The following SH3BP4 variants were observed in gnomAD, a reference collection of about 807,000 sequenced individuals.
SH3BP4 encodes the protein SH3 domain binding protein 4.
In SH3BP4, 33 loss-of-function variants were observed where a neutral mutation model predicts 65.5. That is an observed-to-expected ratio of 0.50 (90% CI 0.38 to 0.67). The LOEUF (loss-of-function observed/expected upper bound fraction) is 0.67, where lower values mean the gene tolerates loss of function less well. Ranked by LOEUF, SH3BP4 falls within the 30% of genes least tolerant of loss-of-function variation. The probability of loss-of-function intolerance (pLI) is 0.00; values close to 1 mark genes in which losing one functional copy is unlikely to be tolerated. For synonymous variants in SH3BP4, 552 were observed against 545.5 expected, an observed-to-expected ratio of 1.01 and a Z score of -0.17; for missense variants, 1,134 against 1,261.4, an observed-to-expected ratio of 0.90 and a Z score of 1.53.
chr2:235,051,928 C>A (rs1300097410), intron 4 of SH3BP4, among the ~76,000 whole-genome samples: 1 of 152,164 alleles, frequency 6.6e-6, no homozygotes, highest in Non-Finnish European at 1.5e-5. Flanking sequence ...TCCATATTCA[C>A]CCTGTCTGTT....
chr2:235,012,525 C>T (rs762624757), intron 2 of SH3BP4, among the ~76,000 whole-genome samples: 7 of 152,216 alleles, frequency 4.6e-5, no homozygotes, highest in Non-Finnish European at 7.3e-5. Context: ...TAACCAGCCG[C>T]ACCGCAAGGG....
rs1400952722 is a variant in SH3BP4, at chr2:234,974,181, C to A, written c.-206-21122C>A. ...AGGAGTTCGAGACCAGCCTGGCCAA[C>A]GTGGTGAAGCCCCATCTCTAATAAA... On this transcript the variant is annotated intron_variant, in intron 1 of 5. Transcript: ENST00000392011. The surrounding 1 kb of genome is among the most constrained non-coding windows in gnomAD (Gnocchi z 4.6). Among the ~76,000 whole-genome samples the A allele has an allele frequency of 6.6e-6, 1 of 152,024 alleles. No homozygotes were observed. Among genetic ancestry groups the A allele is most frequent in the Admixed American group, 6.6e-5 (1 of 15,264 alleles).
intron 2 of SH3BP4, among the ~76,000 whole-genome samples, chr2:235,005,482 C>G (rs970549981): frequency 5.9e-5 from 9 of 152,160 alleles, no homozygotes; most frequent in Non-Finnish European, 1.2e-4. Flanking sequence ...TGTAAATTGT[C>G]CCTTTCCTGT....
intron 1 of SH3BP4, among the ~76,000 whole-genome samples, chr2:234,993,201 C>G (rs373204963): frequency 6.6e-6 from 1 of 152,198 alleles, no homozygotes; most frequent in African/African-American, 2.4e-5. Flanking sequence ...TCGAAGCCCC[C>G]GTCAGAGCTG....
intron 2 of SH3BP4, among the ~76,000 whole-genome samples, chr2:235,017,104 G>A (rs1694709891): frequency 1.7e-5 from 2 of 114,472 alleles, no homozygotes; most frequent in South Asian, 2.9e-4. Context: ...AAAGAAAATT[G>A]AGACTATGCT....
intron 1 of SH3BP4, among the ~76,000 whole-genome samples, chr2:234,993,477 A>AG (rs1693816663): frequency 6.6e-6 from 1 of 152,204 alleles, no homozygotes; most frequent in South Asian, 2.1e-4. Flanking sequence ...AGGAAAGAAG[A>AG]GGCACTAGGT....
rs149285822 is a variant in SH3BP4 at position 235,020,575 on chromosome 2, G to A, written c.-132-14296G>A. On this transcript the variant is annotated intron_variant, in intron 2 of 5. Transcript: ENST00000392011. ...TGAAAATATAATCGGAAAAGGAGACGGCATTCATGGCGATGACAACATCCA... is the reference window on the plus strand; with the variant it reads ...TGAAAATATAATCGGAAAAGGAGACAGCATTCATGGCGATGACAACATCCA... Among the ~76,000 whole-genome samples the A allele has an allele frequency of 8.1e-4, 123 of 152,174 alleles. 1 individual carries two copies. The Middle Eastern group carries it at 0.01, about 13-fold the overall frequency.
intron 2 of SH3BP4, among the ~76,000 whole-genome samples, chr2:235,031,247 A>G (rs6431330): frequency 0.056 from 8,548 of 152,070 alleles, 713 homozygotes; most frequent in African/African-American, 0.19. Flanking sequence ...GGTTTCCTCT[A>G]TGGGGAGAGG....
chr2:235,007,179 A>T (rs1694322955), intron 2 of SH3BP4, among the ~76,000 whole-genome samples: 1 of 151,976 alleles, frequency 6.6e-6, no homozygotes, highest in Non-Finnish European at 1.5e-5. Flanking sequence ...TCCAGGTGAG[A>T]CAGGTGAGTC....
At chr2:235,023,530 C>G (rs1272315168) in intron 2 of SH3BP4, among the ~76,000 whole-genome samples, 8 of 151,888 alleles carry the variant, frequency 5.3e-5, no homozygotes, top group Non-Finnish European at 1.2e-4. Context: ...CTGGGTGACA[C>G]AGTGAGACTC....
At position 234,952,564 on chromosome 2, in the gene SH3BP4, G is replaced by A. The variant is rs2106235376; in HGVS notation, c.-207+394G>A. Among the ~76,000 whole-genome samples the A allele has an allele frequency of 6.6e-6, 1 of 151,964 alleles. No homozygotes were observed. On this transcript the variant is annotated intron_variant, in intron 1 of 5. Transcript: ENST00000392011. The surrounding 1 kb of genome is among the most constrained non-coding windows in gnomAD (Gnocchi z 6.5). ...GGACGCGTCCTCGGGCGCAAATCGGGGGGCGCGCTCGGCTCACGGGGGCCG... is the reference window on the plus strand; with the variant it reads ...GGACGCGTCCTCGGGCGCAAATCGGAGGGCGCGCTCGGCTCACGGGGGCCG...
intron 2 of SH3BP4, among the ~76,000 whole-genome samples, chr2:235,032,162 G>T (rs1440304355): frequency 6.6e-6 from 1 of 152,206 alleles, no homozygotes; most frequent in African/African-American, 2.4e-5. Flanking sequence ...CTCACCCGGC[G>T]CAGTCCTCGG....
At chr2:235,040,806 A>G in intron 3 of SH3BP4, 82 bp from the exon 4 acceptor site, 2 of 1,217,560 alleles carry the variant, frequency 1.6e-6, no homozygotes, top group South Asian at 1.3e-5. Flanking sequence ...TCTGTTTACC[A>G]CCGTCCTCTC....
At chr2:234,989,765 A>C (rs1693692973) in intron 1 of SH3BP4, among the ~76,000 whole-genome samples, 1 of 152,042 alleles carries the variant, frequency 6.6e-6, no homozygotes, top group Non-Finnish European at 1.5e-5. Context: ...TTTCCCCCCA[A>C]CTGTTTAAAA....
At chr2:234,979,155 A>T (rs1693270624) in intron 1 of SH3BP4, among the ~76,000 whole-genome samples, 1 of 152,150 alleles carries the variant, frequency 6.6e-6, no homozygotes, top group African/African-American at 2.4e-5. Flanking sequence ...ATATTTGAAA[A>T]TATTTGGGAA....
intron 4 of SH3BP4, among the ~76,000 whole-genome samples, chr2:235,047,553 G>T (rs1243884789): frequency 6.6e-6 from 1 of 152,240 alleles, no homozygotes; most frequent in Non-Finnish European, 1.5e-5. Flanking sequence ...TGATGCAAGA[G>T]ACTATTCCCA....
chr2:235,030,118 G>A lies in SH3BP4; in HGVS notation c.-132-4753G>A, dbSNP rs927715791. Among the ~76,000 whole-genome samples, 2 of 152,184 alleles carry A rather than the reference G, an allele frequency of 1.3e-5. No homozygotes were observed. Among genetic ancestry groups the A allele is most frequent in the Admixed American group, 6.5e-5 (1 of 15,280 alleles). On this transcript the variant is annotated intron_variant, in intron 2 of 5. Transcript: ENST00000392011. The surrounding 1 kb of genome is among the most constrained non-coding windows in gnomAD (Gnocchi z 4.1). ...ATCTCAGGCCAGGGGAGAGCAGACT[G>A]ATTTTTTTAAAAGCGGTGAGCACTG... is the stretch of plus-strand genomic sequence containing the variant.
chr2:234,965,219 A>G (rs1692808565), intron 1 of SH3BP4, among the ~76,000 whole-genome samples: 1 of 152,244 alleles, frequency 6.6e-6, no homozygotes, highest in South Asian at 2.1e-4. Context: ...CTGTCCAGTG[A>G]AAACCACATG....
At chr2:234,956,188 G>A (rs138559557) in intron 1 of SH3BP4, among the ~76,000 whole-genome samples, 6 of 152,314 alleles carry the variant, frequency 3.9e-5, no homozygotes, top group African/African-American at 1.2e-4. Context: ...TCACCAGGGC[G>A]AAGCAAGGTT....
Sources: allele counts gnomAD v4.1 joint callset (sites outside exome capture counted in the v4.1 genomes callset), GRCh38; gene constraint gnomAD v4.1.1; non-coding constraint Gnocchi (gnomAD v3.1); transcripts MANE v1.5; gene names NCBI Gene and HGNC (gene_info 2026-07-23, HGNC 2026-07-21).